The following MKX variants were observed in gnomAD, a reference collection of about 807,000 sequenced individuals.
The protein encoded by MKX is homeobox protein Mohawk.
Under a neutral mutation model 36.0 loss-of-function variants are expected in MKX, and 13 were observed. That is an observed-to-expected ratio of 0.36 (90% CI 0.24 to 0.57). MKX has a LOEUF of 0.57. MKX is among the 20% of genes least tolerant of loss of function. MKX has a pLI of 0.79. For synonymous variants in MKX, 176 were observed against 178.3 expected, an observed-to-expected ratio of 0.99 and a Z score of 0.10; for missense variants, 458 against 456.4, an observed-to-expected ratio of 1.00 and a Z score of -0.03.
At chr10:27,719,865 G>C (rs1225118777) in intron 5 of MKX, among the ~76,000 whole-genome samples, 1 of 151,772 alleles carries the variant, frequency 6.6e-6, no homozygotes, top group East Asian at 1.9e-4. Flanking sequence ...GCACATGCCT[G>C]TAATCCCAGC....
chr10:27,685,640 C>T (rs1176902647), intron 5 of MKX, among the ~76,000 whole-genome samples: 1 of 151,924 alleles, frequency 6.6e-6, no homozygotes, highest in African/African-American at 2.4e-5. Context: ...TTAGTAGAGA[C>T]GGGGTTTCAC....
chr10:27,726,917 G>A (rs1834502974), intron 5 of MKX, among the ~76,000 whole-genome samples: 1 of 152,022 alleles, frequency 6.6e-6, no homozygotes, highest in Non-Finnish European at 1.5e-5. Flanking sequence ...AACATTTATA[G>A]AGTAAATACG....
chr10:27,695,828 C>T (rs776218234), intron 5 of MKX, among the ~76,000 whole-genome samples: 9 of 152,080 alleles, frequency 5.9e-5, no homozygotes, highest in Admixed American at 6.6e-5. Flanking sequence ...TATTTTTATA[C>T]TGAAGAAGAA....
At chr10:27,731,384 CAG>C (rs1834626520) in intron 5 of MKX, among the ~76,000 whole-genome samples, 1 of 151,990 alleles carries the variant, frequency 6.6e-6, no homozygotes, top group East Asian at 1.9e-4. Context: ...AGCAGTTGCT[CAG>C]AAAGTATTTC....
At chr10:27,736,712 A>T (rs185366676) in intron 3 of MKX, among the ~76,000 whole-genome samples, 2 of 151,050 alleles carry the variant, frequency 1.3e-5, no homozygotes, top group African/African-American at 2.4e-5. Flanking sequence ...TATTCTACTT[A>T]AAAAAAAATC....
At chr10:27,694,543 T>TATATAA (rs1455278632) in intron 5 of MKX, among the ~76,000 whole-genome samples, 14 of 142,414 alleles carry the variant, frequency 9.8e-5, no homozygotes, top group Non-Finnish European at 1.8e-4. Context: ...TATATATATA[T>TATATAA]AAATTAGCCG....
chr10:27,675,444 G>T, intron 6 of MKX, 29 bp from the exon 7 acceptor site: 1 of 1,613,948 alleles, frequency 6.2e-7, no homozygotes, highest in Non-Finnish European at 8.5e-7. Flanking sequence ...GAAAGTAAAC[G>T]ATCAAACTCA....
chr10:27,696,914 C>T (rs1836564771), intron 5 of MKX, among the ~76,000 whole-genome samples: 1 of 152,166 alleles, frequency 6.6e-6, no homozygotes, highest in Admixed American at 6.5e-5. Flanking sequence ...TTAAAAGCTA[C>T]TTCTCTAATC....
At chr10:27,732,829 C>A (rs1445285037) in intron 5 of MKX, among the ~76,000 whole-genome samples, 1 of 152,092 alleles carries the variant, frequency 6.6e-6, no homozygotes, top group East Asian at 1.9e-4. Flanking sequence ...CTCACTGCAG[C>A]CTTGATCTCC....
chr10:27,713,192 C>G (rs990776331), intron 5 of MKX, among the ~76,000 whole-genome samples: 2 of 152,170 alleles, frequency 1.3e-5, no homozygotes, highest in Non-Finnish European at 2.9e-5. Context: ...TTGGGCATCT[C>G]TAGAAATCTT....
At chr10:27,745,373 CA>C (rs1356165815) in intron 1 of MKX, 1 of 152,776 alleles carries the variant, frequency 6.5e-6, no homozygotes, top group Non-Finnish European at 1.5e-5. Flanking sequence ...CTGACCCTCC[CA>C]GGACTCCCGC....
At chr10:27,743,618 C>T in intron 1 of MKX, 121 bp from the exon 2 acceptor site, 1 of 557,968 alleles carries the variant, frequency 1.8e-6, no homozygotes, top group Non-Finnish European at 3.0e-6. Context: ...AGCGGCGCCG[C>T]CGCAACTGGC....
At chr10:27,737,470 G>A (rs1182736148) in intron 3 of MKX, among the ~76,000 whole-genome samples, 2 of 152,068 alleles carry the variant, frequency 1.3e-5, no homozygotes, top group Non-Finnish European at 2.9e-5. Context: ...CATGCTGTGT[G>A]AATTTGGATA....
At chr10:27,734,924 G>T in intron 4 of MKX, 133 bp from the exon 5 acceptor site, 1 of 567,470 alleles carries the variant, frequency 1.8e-6, no homozygotes, top group Non-Finnish European at 2.7e-6. Context: ...TGATAGTCAA[G>T]ATCAATTTTT....
chr10:27,697,565 C>T (rs570431828), intron 5 of MKX, among the ~76,000 whole-genome samples: 6 of 152,158 alleles, frequency 3.9e-5, no homozygotes, highest in Non-Finnish European at 8.8e-5. Context: ...AATTGTTAGT[C>T]AACAATAGGG....
At chr10:27,699,871 G>T (rs1836621717) in intron 5 of MKX, among the ~76,000 whole-genome samples, 1 of 152,152 alleles carries the variant, frequency 6.6e-6, no homozygotes, top group South Asian at 2.1e-4. Flanking sequence ...TAAGAATTCA[G>T]CATTCTCCAA....
intron 5 of MKX, among the ~76,000 whole-genome samples, chr10:27,695,221 C>T (rs1030673043): frequency 2.6e-5 from 4 of 152,064 alleles, no homozygotes; most frequent in African/African-American, 7.2e-5. Flanking sequence ...CACATGAGTC[C>T]GAACCCAAGG....
Position 27,734,496 on chromosome 10 carries a change from T to C in MKX, c.798A>G (p.Pro266=), listed in dbSNP as rs747286454. The change falls in exon 5 of 7, where the codon CCA becomes CCG. Residue 266 remains proline (P), a synonymous_variant. Transcript: ENST00000419761. The part of the protein sequence containing the change: ...SNEFEEELVS[P]SSSETEGNFV... ...AGTTGCCTTCAGTTTCTGATGACGA[T>C]GGAGACACTAATTCTTCCTCAAATT... 11 of 1,614,106 alleles carry C rather than the reference T, an allele frequency of 6.8e-6. No homozygotes were observed. In the South Asian group the frequency reaches 7.7e-5, roughly 11 times the overall value.
At chr10:27,743,131 G>T in intron 2 of MKX, 97 bp downstream of exon 2, 4 of 1,237,892 alleles carry the variant, frequency 3.2e-6, no homozygotes, top group South Asian at 2.0e-5. Context: ...GCCCTTTCCC[G>T]TCCACCCGCC....
Sources: gnomAD v4.1 joint callset for allele counts (sites outside exome capture counted in the v4.1 genomes callset) on GRCh38, gnomAD v4.1.1 for gene constraint, MANE v1.5 for transcripts, NCBI Gene and HGNC (gene_info 2026-07-23, HGNC 2026-07-21) for gene names.